Variants in XYLT1 observed in about 807,000 individuals in gnomAD.
XYLT1 encodes beta-D-xylosyltransferase 1.
In XYLT1, 36 loss-of-function variants were observed where a neutral mutation model predicts 91.3. That is an observed-to-expected ratio of 0.39 (90% confidence interval 0.30 to 0.52). The LOEUF is 0.52. Among genes scored for constraint, XYLT1 ranks in the 20% least tolerant of loss-of-function variants. The pLI, the probability that XYLT1 is intolerant of heterozygous loss-of-function variation, is 0.68. For synonymous variants in XYLT1, 588 were observed against 532.0 expected, an observed-to-expected ratio of 1.11 and a Z score of -1.45; for missense variants, 1,242 against 1,284.5, an observed-to-expected ratio of 0.97 and a Z score of 0.51.
chr16:17,389,145 A>G (rs2035784960), intron 1 of XYLT1, among the ~76,000 whole-genome samples: 1 of 152,262 alleles, frequency 6.6e-6, no homozygotes. Context: ...TTGCAGGAGC[A>G]CAGGGCTCAA....
chr16:17,324,100 A>C (rs567335709), intron 2 of XYLT1, among the ~76,000 whole-genome samples: 1 of 152,236 alleles, frequency 6.6e-6, no homozygotes, highest in African/African-American at 2.4e-5. Context: ...ATGCTTCCCA[A>C]CTCATCTTAA....
intron 6 of XYLT1, among the ~76,000 whole-genome samples, chr16:17,157,834 C>T (rs936950539): frequency 7.9e-5 from 12 of 152,250 alleles, no homozygotes; most frequent in Non-Finnish European, 7.4e-5. Context: ...TTGCAACCTC[C>T]GCCTCCCAGG....
intron 5 of XYLT1, among the ~76,000 whole-genome samples, chr16:17,192,088 CTCTCTTTTTTTTT>C (rs1215012751): frequency 7.0e-6 from 1 of 143,698 alleles, no homozygotes; most frequent in Non-Finnish European, 1.5e-5. Flanking sequence ...GTCTCTCTCT[CTCTCTTTTTTTTT>C]TTTTTTTTTT....
intron 5 of XYLT1, among the ~76,000 whole-genome samples, chr16:17,167,177 C>T (rs191026871): frequency 5.9e-5 from 9 of 152,344 alleles, no homozygotes; most frequent in African/African-American, 2.2e-4. Flanking sequence ...ATCCCGCTTT[C>T]CCCGTGGTGA....
At chr16:17,116,365 C>A (rs1190634604) in intron 11 of XYLT1, among the ~76,000 whole-genome samples, 1 of 152,218 alleles carries the variant, frequency 6.6e-6, no homozygotes, top group Non-Finnish European at 1.5e-5. Context: ...CTGCCTTTGA[C>A]ATACGACTCC....
intron 1 of XYLT1, among the ~76,000 whole-genome samples, chr16:17,451,760 C>T (rs1296705193): frequency 6.6e-6 from 1 of 152,116 alleles, no homozygotes; most frequent in Non-Finnish European, 1.5e-5. Flanking sequence ...TGCCCATCAC[C>T]CCAGGGACCT....
intron 2 of XYLT1, among the ~76,000 whole-genome samples, chr16:17,343,302 GC>G (rs1359746777): frequency 1.3e-5 from 2 of 152,150 alleles, no homozygotes; most frequent in African/African-American, 4.8e-5. Flanking sequence ...CAGGGGACAG[GC>G]CTCCGGGATT....
intron 1 of XYLT1, among the ~76,000 whole-genome samples, chr16:17,362,741 T>C (rs995602756): frequency 1.3e-5 from 2 of 152,244 alleles, no homozygotes; most frequent in South Asian, 2.1e-4. Flanking sequence ...GCCTCAGCCA[T>C]TGGAAAGCAT....
At chr16:17,249,515 A>G (rs1224244277) in intron 3 of XYLT1, among the ~76,000 whole-genome samples, 1 of 152,252 alleles carries the variant, frequency 6.6e-6, no homozygotes, top group African/African-American at 2.4e-5. Flanking sequence ...CTCAATAAAT[A>G]TTAAATGAAT....
At chr16:17,365,086 C>A (rs1218113403) in intron 1 of XYLT1, among the ~76,000 whole-genome samples, 1 of 152,190 alleles carries the variant, frequency 6.6e-6, no homozygotes, top group Non-Finnish European at 1.5e-5. Context: ...CTCTTAAGAG[C>A]GTTGGTGTTC....
chr16:17,359,060 A>T (rs937805855), intron 1 of XYLT1, among the ~76,000 whole-genome samples: 3 of 152,092 alleles, frequency 2.0e-5, no homozygotes, highest in Non-Finnish European at 4.4e-5. Context: ...TGATGGGAGG[A>T]GTTGGTGGTG....
intron 5 of XYLT1, among the ~76,000 whole-genome samples, chr16:17,192,078 G>GTC (rs1208941855): frequency 1.3e-3 from 193 of 148,442 alleles, no homozygotes; most frequent in African/African-American, 4.2e-3. Flanking sequence ...GAGGCGTGAG[G>GTC]TCTCTCTCTC....
chr16:17,132,719 C>G (rs1009932386), intron 9 of XYLT1, among the ~76,000 whole-genome samples: 1 of 152,056 alleles, frequency 6.6e-6, no homozygotes, highest in Non-Finnish European at 1.5e-5. Flanking sequence ...CCTGGCCAAC[C>G]TGGTGAAATC....
intron 1 of XYLT1, among the ~76,000 whole-genome samples, chr16:17,454,918 C>A (rs1349913717): frequency 1.1e-4 from 11 of 103,098 alleles, no homozygotes; most frequent in South Asian, 4.6e-4. Context: ...CCCCCGCCCC[C>A]CCCCGCAACT....
chr16:17,257,611 G>A (rs1256085579), intron 3 of XYLT1, among the ~76,000 whole-genome samples: 1 of 152,152 alleles, frequency 6.6e-6, no homozygotes, highest in Admixed American at 6.5e-5. Flanking sequence ...CAGTGACCAC[G>A]AGTCAATAAA....
At chr16:17,207,918 C>T (rs1292257240) in intron 3 of XYLT1, among the ~76,000 whole-genome samples, 13 of 152,132 alleles carry the variant, frequency 8.5e-5, no homozygotes, top group Non-Finnish European at 1.0e-4. Context: ...AGAAATGACC[C>T]TTCCTTGGGA....
chr16:17,426,510 C>T (rs2036320685), intron 1 of XYLT1, among the ~76,000 whole-genome samples: 1 of 152,156 alleles, frequency 6.6e-6, no homozygotes, highest in Non-Finnish European at 1.5e-5. Flanking sequence ...CTCACCACTG[C>T]ACTCTAGCCT....
intron 1 of XYLT1, among the ~76,000 whole-genome samples, chr16:17,455,023 G>A (rs7499691): frequency 0.054 from 8,114 of 150,178 alleles, 301 homozygotes; most frequent in Middle Eastern, 0.12. Context: ...GCCAACCCTG[G>A]ACAGAGATAA....
intron 2 of XYLT1, among the ~76,000 whole-genome samples, chr16:17,340,572 G>A (rs2035051806): frequency 6.6e-6 from 1 of 152,230 alleles, no homozygotes; most frequent in South Asian, 2.1e-4. Flanking sequence ...TAAGAGTTCT[G>A]CGTAGGTCCA....
Sources: gnomAD v4.1 joint callset for allele counts (sites outside exome capture counted in the v4.1 genomes callset) on GRCh38, gnomAD v4.1.1 for gene constraint, MANE v1.5 for transcripts, NCBI Gene and HGNC (gene_info 2026-07-23, HGNC 2026-07-21) for gene names.